The following NLGN3 variants were observed in gnomAD, a reference collection of about 807,000 sequenced individuals.
The protein encoded by NLGN3 is neuroligin-3.
Under a neutral mutation model 42.9 loss-of-function variants are expected in NLGN3, and 11 were observed. That is an observed-to-expected ratio of 0.26 (90% CI 0.16 to 0.42). The LOEUF (loss-of-function observed/expected upper bound fraction) is 0.42. Among genes scored for constraint, NLGN3 ranks in the 10% least tolerant of loss-of-function variants. The probability of loss-of-function intolerance (pLI) is 1.00; values close to 1 mark genes in which losing one functional copy is unlikely to be tolerated. For missense variants in NLGN3, 374 were observed against 733.8 expected (o/e 0.51, Z 5.67); for synonymous variants, 279 against 312.7 (o/e 0.89, Z 1.14).
intron 1 of NLGN3, among the ~76,000 whole-genome samples, chrX:71,146,153 T>TCTCACACA (rs1185227027): frequency 4.2e-4 from 11 of 26,356 alleles, no homozygotes; most frequent in East Asian, 9.4e-4. Context: ...TCTCTCTCTC[T>TCTCACACA]CACACACACA....
Position 71,169,997 on chromosome X carries a change from A to G in NLGN3, c.2447A>G (p.Asn816Ser). Residue 816 changes from asparagine to serine, a missense_variant, in exon 8 of 8, where the codon AAC becomes AGC. Asn to Ser is a conservative substitution (Grantham distance 46). Around this residue, in one of 6 missense-constraint regions of NLGN3, gnomAD observed 92 missense variants for 108.0 expected, o/e 0.85. Coordinates refer to ENST00000358741, the MANE Select transcript of NLGN3 (RefSeq NM_181303.2). ...CCCAACACCATCACTATGATCCCCA[A>G]CTCCCTGGTAGGGCTGCAGACATTG... ...MTPNTITMIP[N>S]SLVGLQTLHP... The G allele has an allele frequency of 8.3e-7, 1 of 1,207,382 alleles. No homozygotes were observed.
In NLGN3 at chrX:71,147,760, G is replaced by A. The variant is rs777428627; in HGVS notation, c.11G>A (p.Arg4Gln). 4.1e-6 allele frequency: 5 copies of A among 1,206,667 alleles called. No individual in the cohort carries two copies. Among genetic ancestry groups the A allele is most frequent in the Admixed American group, 2.2e-5 (1 of 45,705 alleles). Residue 4 changes from arginine to glutamine, a missense_variant, in exon 2 of 8, where the codon CGG (arginine) becomes CAG (glutamine). By Grantham distance (43) the Arg-to-Gln change is conservative. Transcript: ENST00000358741. ...CCCCCTGCCCGGAACATGTGGCTGC[G>A]GCTTGGCCCGCCCTCGCTGTCCCTG... The part of the protein sequence containing the change: MWL[R>Q]LGPPSLSLSP...
chrX:71,150,737 G>T (rs867816619), intron 3 of NLGN3, among the ~76,000 whole-genome samples: 23 of 105,801 alleles, frequency 2.2e-4, no homozygotes, highest in African/African-American at 7.1e-4. Context: ...GAAAAGAAAA[G>T]AAAAAAACCT....
intron 7 of NLGN3, 107 bp from the exon 8 acceptor site, chrX:71,169,147 T>A: frequency 1.1e-6 from 1 of 931,771 alleles, no homozygotes; most frequent in East Asian, 3.2e-5. Context: ...ATGGAAATGG[T>A]GGGAAGTTCT....
Position 71,152,272 on chromosome X carries a change from G to C in NLGN3, c.518-1205G>C, listed in dbSNP as rs2092393873. On this transcript the variant is annotated intron_variant, in intron 3 of 7. Transcript: ENST00000358741. ...TCTAGCCTCCTTAGAACAGGAAGGA[G>C]AATCTGTGCCAGCTTAGCCCCAGAT... is the stretch of plus-strand genomic sequence containing the variant. Among the ~76,000 whole-genome samples the C allele has an allele frequency of 2.7e-5, 3 of 111,075 alleles. No homozygotes were observed. In the South Asian group the frequency reaches 1.1e-3, roughly 42 times the overall value.
intron 6 of NLGN3, among the ~76,000 whole-genome samples, chrX:71,164,667 T>C (rs767660081): frequency 8.9e-6 from 1 of 111,905 alleles, no homozygotes; most frequent in South Asian, 3.7e-4. Context: ...AAGGACATGT[T>C]ACTTCACAGT....
intron 7 of NLGN3, among the ~76,000 whole-genome samples, chrX:71,168,853 G>GAAAGAA (rs2092458867): frequency 1.2e-5 from 1 of 85,100 alleles, no homozygotes; most frequent in Non-Finnish European, 2.1e-5. Flanking sequence ...AAGAAAGAAA[G>GAAAGAA]AAAGAAAGAA....
chrX:71,158,189 C>G (rs1449633993), intron 5 of NLGN3, among the ~76,000 whole-genome samples: 2 of 110,350 alleles, frequency 1.8e-5, no homozygotes, highest in Non-Finnish European at 3.8e-5. Context: ...GTGATCCTCC[C>G]ACCTCAGCCT....
chrX:71,170,534 C>T lies in NLGN3; in HGVS notation c.*437C>T. The T allele has an allele frequency of 1.2e-6, 1 of 803,019 alleles. No homozygotes were observed. Among genetic ancestry groups the T allele is most frequent in the East Asian group, 1.1e-4 (1 of 9,209 alleles). 66.2% of individuals were successfully genotyped at this position (803,019 alleles called of 1,213,427 possible). A position where few individuals can be genotyped will look rare whatever the true frequency, so the allele number is the denominator to read the frequency against. ...TAAAGAGCAGGATAGCTCTTCCTCC[C>T]CAGGACTTGGTCTTTTTTCTGGGTC... On this transcript the variant is annotated 3_prime_UTR_variant, in exon 8 of 8. Coordinates refer to ENST00000358741, the MANE Select transcript of NLGN3 (RefSeq NM_181303.2).
chrX:71,168,845 G>A lies in NLGN3; in HGVS notation c.1704-409G>A, dbSNP rs1416406962. ...AAAAAGAAAGAAAGAAAGAAAGAAA[G>A]AAAGAAAGAAAGAAAGAAAGAAAGA... On this transcript the variant is annotated intron_variant, in intron 7 of 7. Coordinates refer to ENST00000358741, the MANE Select transcript of NLGN3 (RefSeq NM_181303.2). Among the ~76,000 whole-genome samples the A allele has an allele frequency of 1.1e-3, 90 of 83,252 alleles. 1 individual carries two copies. Among genetic ancestry groups the A allele is most frequent in the African/African-American group, 5.4e-3 (85 of 15,623 alleles). The allele number at this position is 83,252 out of a possible 115,157, so 72.3% of individuals were successfully genotyped here.
chrX:71,168,600 G>A (rs1350218331), intron 7 of NLGN3, among the ~76,000 whole-genome samples: 2 of 107,052 alleles, frequency 1.9e-5, no homozygotes, highest in African/African-American at 3.4e-5. Context: ...GCGTGGTGGC[G>A]GGTGCCTGTA....
At position 71,170,120 on chromosome X, in the gene NLGN3, T is replaced by C; in HGVS notation, c.*23T>C. ...TAGCTCCAACTCAGAGCACAGCCAA[T>C]CTCCAGGCTCCCTCCCTCCCAGATC... is the stretch of plus-strand genomic sequence containing the variant. On this transcript the variant is annotated 3_prime_UTR_variant, in exon 8 of 8. Coordinates refer to ENST00000358741, the MANE Select transcript of NLGN3 (RefSeq NM_181303.2). 8.3e-7 allele frequency: 1 copy of C among 1,205,822 alleles called. No individual in the cohort carries two copies. The highest frequency in any genetic ancestry group is 1.8e-5 in the African/African-American group (1 of 56,486).
At position 71,169,884 on chromosome X, in the gene NLGN3, TC is replaced by T; in HGVS notation, c.2341del (p.His781MetfsTer14). The T allele has an allele frequency of 8.4e-7, 1 of 1,196,738 alleles. No homozygotes were observed. Among genetic ancestry groups the T allele is most frequent in the East Asian group, 3.0e-5 (1 of 32,949 alleles). ...CCACCCACCACGAGTGTGAGGCCGG[TC>T]CCCCCCATGACACGCTGCGCCTCAC... Reference protein sequence around the residue: ...GPTHHECEAGPPHDTLRLTAL... With the variant: ...GPTHHECEAGXPHDTLRLTAL... On this transcript the variant is annotated frameshift_variant, in exon 8 of 8. Transcript: ENST00000358741. LOFTEE classifies it high-confidence loss of function.
At chrX:71,173,723 G>C (rs973265807), downstream of NLGN3, among the ~76,000 whole-genome samples, 2 of 112,520 alleles carry the variant, frequency 1.8e-5, no homozygotes, top group African/African-American at 3.2e-5. Context: ...GCTTGGCCTT[G>C]TGCTAGTTTA....
At chrX:71,168,821 AAAAGAAAGAAAGAAAG>A (rs201934142) in intron 7 of NLGN3, among the ~76,000 whole-genome samples, 122 of 69,357 alleles carry the variant, frequency 1.8e-3, no homozygotes, top group East Asian at 4.7e-3. Flanking sequence ...AGAGAAAAAA[AAAAGAAAGAAAGAAAG>A]AAAGAAAGAA....
At position 71,170,539 on chromosome X, in the gene NLGN3, A is replaced by T. The variant is rs1368965543; in HGVS notation, c.*442A>T. ...AGCAGGATAGCTCTTCCTCCCCAGGACTTGGTCTTTTTTCTGGGTCTTGTT... is the reference window on the plus strand; with the variant it reads ...AGCAGGATAGCTCTTCCTCCCCAGGTCTTGGTCTTTTTTCTGGGTCTTGTT... On this transcript the variant is annotated 3_prime_UTR_variant, in exon 8 of 8. Transcript: ENST00000358741. 1.3e-6 allele frequency: 1 copy of T among 797,294 alleles called. No individual in the cohort carries two copies. Among genetic ancestry groups the T allele is most frequent in the Non-Finnish European group, 1.5e-6 (1 of 667,356 alleles). The allele number at this position is 797,294 out of a possible 1,213,427, so 65.7% of individuals were successfully genotyped here. A position where few individuals can be genotyped will look rare whatever the true frequency, so the allele number is the denominator to read the frequency against.
Position 71,162,005 on chromosome X carries a change from G to A in NLGN3, c.728-2138G>A, listed in dbSNP as rs1334404567. Among the ~76,000 whole-genome samples the A allele has an allele frequency of 9.8e-5, 11 of 112,509 alleles. No homozygotes were observed. In the Admixed American group the frequency reaches 1.0e-3, roughly 11 times the overall value. Reference sequence around the variant, plus strand: ...GAAAGAAAAGGAAAAGAGAATACAGGGGAAGGAGAGAGGAGGGAGGACTAA... The same window carrying A: ...GAAAGAAAAGGAAAAGAGAATACAGAGGAAGGAGAGAGGAGGGAGGACTAA... On this transcript the variant is annotated intron_variant, in intron 5 of 7. Coordinates refer to ENST00000358741, the MANE Select transcript of NLGN3 (RefSeq NM_181303.2).
chrX:71,168,898 G>GAAAGAA (rs2092460889), intron 7 of NLGN3, among the ~76,000 whole-genome samples: 1 of 100,543 alleles, frequency 9.9e-6, no homozygotes, highest in African/African-American at 4.4e-5. Context: ...AAGAAAGAAA[G>GAAAGAA]AAAGAAAAAG....
At chrX:71,153,646 G>A (rs2092398567) in intron 4 of NLGN3, 110 bp downstream of exon 4, 2 of 757,686 alleles carry the variant, frequency 2.6e-6, no homozygotes, top group East Asian at 3.4e-5. Context: ...GTGTGTTTCT[G>A]TTCCTGTACA....
Sources: gnomAD v4.1 joint callset for allele counts (sites outside exome capture counted in the v4.1 genomes callset) on GRCh38, gnomAD v4.1.1 for gene constraint, gnomAD v4.1.1 regional missense constraint, MANE v1.5 for transcripts, NCBI Gene and HGNC (gene_info 2026-07-23, HGNC 2026-07-21) for gene names.